Variants in ADCY6 observed in about 807,000 individuals in gnomAD.
The protein encoded by ADCY6 is adenylate cyclase type 6.
Under a neutral mutation model 111.6 loss-of-function variants are expected in ADCY6, and 59 were observed. That is an observed-to-expected ratio of 0.53 (90% confidence interval 0.43 to 0.66). ADCY6 has a LOEUF of 0.66. Ranked by LOEUF, ADCY6 falls within the 30% of genes least tolerant of loss-of-function variation. The pLI, the probability that ADCY6 is intolerant of heterozygous loss-of-function variation, is 0.00. For synonymous variants in ADCY6, 576 were observed against 642.9 expected (o/e 0.90, Z 1.57); for missense variants, 1,242 against 1,595.6 (o/e 0.78, Z 3.78).
rs1280026413 is a variant in ADCY6 at position 48,789,026 on chromosome 12, G to C, written c.-125C>G. The C allele has an allele frequency of 2.2e-5, 3 of 135,798 alleles. No homozygotes were observed. The highest frequency in any genetic ancestry group is 3.1e-5 in the Non-Finnish European group (2 of 64,282). The allele number at this position is 135,798 out of a possible 1,614,324, so 8.4% of individuals were successfully genotyped here. ...GCGCGTCCTGGCCGTCCCGCCCGCC[G>C]TCCGCCGTCCGCCGTCCGCCCGGCC... On this transcript the variant is annotated 5_prime_UTR_variant, in exon 1 of 22. Coordinates refer to ENST00000357869, the MANE Select transcript of ADCY6 (RefSeq NM_015270.5).
chr12:48,784,233 T>C (rs1189212721), intron 1 of ADCY6: 2 of 82,536 alleles, frequency 2.4e-5, no homozygotes, highest in African/African-American at 1.1e-4. Flanking sequence ...GCAATAGCCA[T>C]AGCCTGAAAA....
intron 11 of ADCY6, 90 bp from the exon 12 acceptor site, chr12:48,775,144 G>C: frequency 6.9e-7 from 1 of 1,442,458 alleles, no homozygotes; most frequent in Non-Finnish European, 9.5e-7. Flanking sequence ...GTCTCAACAG[G>C]GAGGAGATGC....
upstream of ADCY6, chr12:48,789,526 G>A (rs1269132640): frequency 6.6e-6 from 1 of 152,256 alleles, no homozygotes; most frequent in Non-Finnish European, 1.5e-5. Context: ...GGTCCCAGGG[G>A]TTGGGCCGGC....
rs555330198 is a variant in ADCY6 at position 48,777,333 on chromosome 12, C to G, written c.1248+77G>C. On this transcript the variant is annotated intron_variant, in intron 5 of 21. Coordinates refer to ENST00000357869, the MANE Select transcript of ADCY6 (RefSeq NM_015270.5). The surrounding 1 kb of genome is among the most constrained non-coding windows in gnomAD (Gnocchi z 4.9). Reference sequence around the variant, plus strand: ...ACGCATACTCTATCTGCCCTCAAATCCCCAGCTGCTGCCAGCAAAGCTATG... The same window carrying G: ...ACGCATACTCTATCTGCCCTCAAATGCCCAGCTGCTGCCAGCAAAGCTATG... 1.8e-4 allele frequency: 289 copies of G among 1,600,452 alleles called. 2 individuals are homozygous for G. The Admixed American group carries it at 1.9e-3, about 10-fold the overall frequency.
intron 15 of ADCY6, 108 bp downstream of exon 15, chr12:48,773,832 G>A (rs1941620010): frequency 1.3e-6 from 2 of 1,490,356 alleles, no homozygotes; most frequent in African/African-American, 1.4e-5. Flanking sequence ...TAGTGTGGGA[G>A]ACTCTGGTGA....
chr12:48,775,167 T>G, intron 11 of ADCY6, 113 bp from the exon 12 acceptor site: 1 of 1,466,422 alleles, frequency 6.8e-7, no homozygotes, highest in East Asian at 2.4e-5. Flanking sequence ...TTGGCTCAAC[T>G]GATGAAATCC....
rs772680766 is a variant in ADCY6 at position 48,770,901 on chromosome 12, A to C, written c.3121T>G (p.Ser1041Ala). ...KTIGSTYMAA[S>A]GLNASTYDQV... ...TCGTAGGTGCTGGCGTTCAGCCCTG[A>C]GGCAGCCATGTAGGTGCTACCAATC... Residue 1041 changes from serine (S) to alanine (A), a missense_variant, in exon 20 of 22, where the codon TCA becomes GCA. Physicochemically the swap from Ser to Ala is moderately conservative, Grantham distance 99 (BLOSUM62 1). Around this residue, in one of 4 missense-constraint regions of ADCY6, gnomAD observed 245 missense variants for 371.3 expected, o/e 0.66. Transcript: ENST00000357869. The C allele has an allele frequency of 1.2e-5, 19 of 1,614,104 alleles. No homozygotes were observed. Among genetic ancestry groups the C allele is most frequent in the Non-Finnish European group, 1.4e-5 (17 of 1,180,046 alleles).
chr12:48,772,569 G>A (rs1941579841), intron 16 of ADCY6, 26 bp from the exon 17 acceptor site: 1 of 1,614,030 alleles, frequency 6.2e-7, no homozygotes, highest in Non-Finnish European at 8.5e-7. Context: ...AAGAGACAAA[G>A]TCATCAGTGC....
chr12:48,776,210 C>T lies in ADCY6; in HGVS notation c.1676G>A (p.Arg559Gln), dbSNP rs772508180. The T allele has an allele frequency of 5.0e-6, 8 of 1,614,172 alleles. No individual in the cohort carries two copies. Among genetic ancestry groups the T allele is most frequent in the East Asian group, 2.2e-5 (1 of 44,868 alleles). Reference protein sequence around the residue: ...TFLILGASQKRKEEKAMLAKL... With the variant: ...TFLILGASQKQKEEKAMLAKL... ...CCCCAGCCCTGCCCTGGCCCTGACC[C>T]GTTTCTGGCTGGCGCCCAGGATGAG... The change falls in exon 8 of 22, where the codon CGG becomes CAG. Residue 559 changes from arginine (R) to glutamine (Q), a missense_variant and splice_region_variant. Physicochemically the swap from Arg to Gln is conservative, Grantham distance 43. Coordinates refer to ENST00000357869, the MANE Select transcript of ADCY6 (RefSeq NM_015270.5). This position sits in a 1 kb window ranked among gnomAD's most constrained non-coding sequence, Gnocchi z 6.1.
At chr12:48,772,188 C>T in intron 18 of ADCY6, 107 bp downstream of exon 18, 1 of 1,488,574 alleles carries the variant, frequency 6.7e-7, no homozygotes, top group Non-Finnish European at 8.9e-7. Flanking sequence ...CCAGGGTGGG[C>T]CTAGGTGTGG....
Position 48,767,232 on chromosome 12 carries a change from C to A in ADCY6, c.*1359G>T, listed in dbSNP as rs139309787. ...AGACAGTTCAAGTGCTGGCATGGAGCACTGGGGCTTAAGCAAGCGCTTGGG... is the reference window on the plus strand; with the variant it reads ...AGACAGTTCAAGTGCTGGCATGGAGAACTGGGGCTTAAGCAAGCGCTTGGG... On this transcript the variant is annotated 3_prime_UTR_variant, in exon 22 of 22. Transcript: ENST00000357869. 2.6e-4 allele frequency: 40 copies of A among 152,834 alleles called. No homozygotes were observed. The highest frequency in any genetic ancestry group is 9.4e-4 in the African/African-American group (39 of 41,582). 9.5% of individuals were successfully genotyped at this position (152,834 alleles called of 1,614,324 possible).
At chr12:48,773,822 T>A (rs1941619471) in intron 15 of ADCY6, 118 bp downstream of exon 15, 1 of 1,471,682 alleles carries the variant, frequency 6.8e-7, no homozygotes, top group Non-Finnish European at 9.2e-7. Context: ...TGGTTGCTCC[T>A]AGTGTGGGAG....
intron 2 of ADCY6, among the ~76,000 whole-genome samples, chr12:48,778,934 A>G (rs1223761018): frequency 1.7e-5 from 2 of 119,388 alleles, no homozygotes; most frequent in Admixed American, 2.5e-4. Context: ...ACTGGAGTGC[A>G]GTGGCCTGAT....
In ADCY6 at chr12:48,773,652, G is replaced by T; in HGVS notation, c.2443-5C>A. 3 of 1,613,922 alleles carry T rather than the reference G, an allele frequency of 1.9e-6. No individual in the cohort carries two copies. The highest frequency in any genetic ancestry group is 3.3e-5 in the Admixed American group (2 of 60,024). ...CAGCATGTTCCCGATGAAGTACTGC[G>T]GGGGTGGCAGAGGCAGCGTTGGGTG... On this transcript the variant is annotated splice_polypyrimidine_tract_variant and splice_region_variant and intron_variant, in intron 15 of 21. Transcript: ENST00000357869.
chr12:48,773,642 G>A lies in ADCY6; in HGVS notation c.2448C>T (p.Phe816=). Residue 816 remains phenylalanine, a synonymous_variant, in exon 16 of 22, where the codon TTC becomes TTT. Transcript: ENST00000357869. ...AGAGACTCAGCAGCATGTTCCCGATGAAGTACTGCGGGGGTGGCAGAGGCA... is the reference window on the plus strand; with the variant it reads ...AGAGACTCAGCAGCATGTTCCCGATAAAGTACTGCGGGGGTGGCAGAGGCA... ...TMPTCSFPEY[F]IGNMLLSLLA... is the part of the protein sequence containing the mutation. The A allele has an allele frequency of 6.2e-7, 1 of 1,614,054 alleles. No individual in the cohort carries two copies. Among genetic ancestry groups the A allele is most frequent in the South Asian group, 1.1e-5 (1 of 91,078 alleles).
intron 1 of ADCY6, among the ~76,000 whole-genome samples, chr12:48,788,668 G>C (rs1178922791): frequency 1.3e-5 from 2 of 152,050 alleles, no homozygotes; most frequent in Admixed American, 1.3e-4. Context: ...CCCCGTGGAG[G>C]GAGGCAGGCG....
At position 48,777,055 on chromosome 12, in the gene ADCY6, T is replaced by C; in HGVS notation, c.1376+49A>G. ...AGGTCTCATCAAAAAGTAGGAGCAGTCTGGGGCACCCGCAATTCCAGGAAG... is the reference window on the plus strand; with the variant it reads ...AGGTCTCATCAAAAAGTAGGAGCAGCCTGGGGCACCCGCAATTCCAGGAAG... On this transcript the variant is annotated intron_variant, in intron 6 of 21. Coordinates refer to ENST00000357869, the MANE Select transcript of ADCY6 (RefSeq NM_015270.5). This position sits in a 1 kb window ranked among gnomAD's most constrained non-coding sequence, Gnocchi z 4.9. The C allele has an allele frequency of 1.3e-6, 2 of 1,542,250 alleles. No individual in the cohort carries two copies. The highest frequency in any genetic ancestry group is 1.7e-6 in the Non-Finnish European group (2 of 1,143,166).
intron 2 of ADCY6, chr12:48,778,544 C>T (rs1253218017): frequency 1.4e-5 from 6 of 419,834 alleles, no homozygotes; most frequent in African/African-American, 1.0e-4. Flanking sequence ...GGCCCAGCCC[C>T]AGCACCCTGT....
Position 48,768,464 on chromosome 12 carries a change from G to A in ADCY6, c.*127C>T. 7.3e-7 allele frequency: 1 copy of A among 1,365,428 alleles called. No individual in the cohort carries two copies. Among genetic ancestry groups the A allele is most frequent in the Admixed American group, 1.8e-5 (1 of 55,072 alleles). 84.6% of individuals were successfully genotyped at this position (1,365,428 alleles called of 1,614,324 possible). ...GCATGATCCAAGCACAGCCTGCTGG[G>A]ATGTTCCCTTTTGTGGTTAGCAGGG... On this transcript the variant is annotated 3_prime_UTR_variant, in exon 22 of 22. Coordinates refer to ENST00000357869, the MANE Select transcript of ADCY6 (RefSeq NM_015270.5).
Sources: allele counts gnomAD v4.1 joint callset (sites outside exome capture counted in the v4.1 genomes callset), GRCh38; gene constraint gnomAD v4.1.1; regional missense constraint gnomAD v4.1.1; non-coding constraint Gnocchi (gnomAD v3.1); transcripts MANE v1.5; gene names NCBI Gene and HGNC (gene_info 2026-07-23, HGNC 2026-07-21).